The following ACSS3 variants were observed in gnomAD, a reference collection of about 807,000 sequenced individuals.
ACSS3 encodes acyl-CoA synthetase short chain family member 3, also known as acyl-CoA synthetase short-chain family member 3, mitochondrial.
In ACSS3, 64 loss-of-function variants were observed where a neutral mutation model predicts 84.2. The ratio of observed to expected loss-of-function variants is 0.76; its 90% CI spans 0.62 to 0.94. The LOEUF is 0.94. Ranked by LOEUF, ACSS3 falls within the 40% of genes least tolerant of loss-of-function variation. ACSS3 has a pLI of 0.00. For missense variants in ACSS3, 815 were observed against 867.6 expected, an observed-to-expected ratio of 0.94 and a Z score of 0.76; for synonymous variants, 317 against 310.1, an observed-to-expected ratio of 1.02 and a Z score of -0.23.
chr12:81,148,886 C>A (rs1886474066), intron 5 of ACSS3, among the ~76,000 whole-genome samples: 1 of 137,654 alleles, frequency 7.3e-6, no homozygotes, highest in Non-Finnish European at 1.6e-5. Context: ...ACGGTGAAAC[C>A]CTGCCTCTAC....
chr12:81,078,493 C>T (rs900768470), intron 1 of ACSS3, 62 bp downstream of exon 1: 4 of 1,563,272 alleles, frequency 2.6e-6, no homozygotes, highest in African/African-American at 1.4e-5. Context: ...GCGCCAGGAC[C>T]TCCCTGGGAC....
Position 81,256,178 on chromosome 12 carries a change from C to T in ACSS3, c.*1256C>T, listed in dbSNP as rs1057098324. On this transcript the variant is annotated 3_prime_UTR_variant, in exon 16 of 16. Coordinates refer to ENST00000548058, the MANE Select transcript of ACSS3 (RefSeq NM_024560.4). The stretch of plus-strand genomic sequence containing the variant: ...TGCTATACCTCAAGGAGCAGCGGAC[C>T]CAGCAGAATATGGCCCAAAAAGGAG... The T allele has an allele frequency of 1.3e-5, 2 of 151,972 alleles. No homozygotes were observed. Among genetic ancestry groups the T allele is most frequent in the African/African-American group, 4.8e-5 (2 of 41,366 alleles). The allele number at this position is 151,972 out of a possible 1,614,324, so 9.4% of individuals were successfully genotyped here. A position where few individuals can be genotyped will look rare whatever the true frequency, so the allele number is the denominator to read the frequency against.
chr12:81,132,272 T>C (rs569440025), intron 2 of ACSS3, among the ~76,000 whole-genome samples: 1 of 152,192 alleles, frequency 6.6e-6, no homozygotes, highest in Non-Finnish European at 1.5e-5. Context: ...TTTTTTTTGG[T>C]TGGTAGGCTA....
At chr12:81,097,973 A>G (rs2121389993) in intron 1 of ACSS3, among the ~76,000 whole-genome samples, 1 of 152,112 alleles carries the variant, frequency 6.6e-6, no homozygotes, top group East Asian at 1.9e-4. Context: ...GAAGTGGAAA[A>G]AAAAAAGAAC....
intron 2 of ACSS3, among the ~76,000 whole-genome samples, chr12:81,115,229 G>A (rs1160769150): frequency 2.0e-5 from 3 of 152,126 alleles, no homozygotes; most frequent in Non-Finnish European, 4.4e-5. Flanking sequence ...TGCCCACGTT[G>A]GACATGAGTA....
intron 5 of ACSS3, among the ~76,000 whole-genome samples, chr12:81,145,370 C>A (rs1886292430): frequency 6.6e-6 from 1 of 152,084 alleles, no homozygotes; most frequent in South Asian, 2.1e-4. Context: ...GTGGAGATTT[C>A]TGCATCACAG....
rs1565749473 is a variant in ACSS3 at position 81,256,758 on chromosome 12, A to T, written c.*1836A>T. 6.6e-6 allele frequency: 1 copy of T among 152,174 alleles called. No individual in the cohort carries two copies. Among genetic ancestry groups the T allele is most frequent in the Non-Finnish European group, 1.5e-5 (1 of 68,016 alleles). 9.4% of individuals were successfully genotyped at this position (152,174 alleles called of 1,614,324 possible). ...GCAAAATAAATGGCTTCTCAAAGTA[A>T]ATTCCTATTTACTTAAATTGCCTTC... On this transcript the variant is annotated 3_prime_UTR_variant, in exon 16 of 16. Coordinates refer to ENST00000548058, the MANE Select transcript of ACSS3 (RefSeq NM_024560.4).
At chr12:81,232,961 G>A (rs1404519069) in intron 12 of ACSS3, among the ~76,000 whole-genome samples, 1 of 151,354 alleles carries the variant, frequency 6.6e-6, no homozygotes, top group Non-Finnish European at 1.5e-5. Flanking sequence ...ATTATTCATT[G>A]GGAGCTTTAA....
At chr12:81,206,945 A>AT (rs2032374650) in intron 9 of ACSS3, among the ~76,000 whole-genome samples, 1 of 152,104 alleles carries the variant, frequency 6.6e-6, no homozygotes, top group African/African-American at 2.4e-5. Context: ...AAAGAACATC[A>AT]TTTTTTAAAA....
intron 9 of ACSS3, among the ~76,000 whole-genome samples, chr12:81,213,957 C>CTCTTTCTCTCTTTCTTTCTTTCTT (rs2032783220): frequency 2.0e-5 from 1 of 49,112 alleles, no homozygotes; most frequent in African/African-American, 7.2e-5. Flanking sequence ...CTCCCTCTCT[C>CTCTTTCTCTCTTTCTTTCTTTCTT]TCTTTCTTTC....
At position 81,078,333 on chromosome 12, in the gene ACSS3, C is replaced by A; in HGVS notation, c.213C>A (p.Thr71=). ...EYKTHFAASV[T]DPERFWGKAA... Reference sequence around the variant, plus strand: ...AGACCCACTTCGCAGCCTCGGTGACCGACCCCGAGAGGTTCTGGGGCAAAG... The same window carrying A: ...AGACCCACTTCGCAGCCTCGGTGACAGACCCCGAGAGGTTCTGGGGCAAAG... The change falls in exon 1 of 16, where the codon ACC becomes ACA. Residue 71 remains threonine, a synonymous_variant. Coordinates refer to ENST00000548058, the MANE Select transcript of ACSS3 (RefSeq NM_024560.4). 10 of 1,612,478 alleles carry A rather than the reference C, an allele frequency of 6.2e-6. No homozygotes were observed. The highest frequency in any genetic ancestry group is 7.6e-6 in the Non-Finnish European group (9 of 1,179,960).
At chr12:81,093,444 C>T (rs901032417) in intron 1 of ACSS3, among the ~76,000 whole-genome samples, 1 of 148,246 alleles carries the variant, frequency 6.7e-6, no homozygotes, top group Non-Finnish European at 1.5e-5. Flanking sequence ...GACAGAGCGA[C>T]ACTCTGTCCC....
intron 7 of ACSS3, among the ~76,000 whole-genome samples, chr12:81,168,247 G>A (rs1682451800): frequency 2.6e-5 from 4 of 152,174 alleles, no homozygotes; most frequent in Admixed American, 2.0e-4. Context: ...ATGACCATCT[G>A]CAGTCTTGCT....
intron 2 of ACSS3, among the ~76,000 whole-genome samples, chr12:81,121,074 G>T (rs1279648795): frequency 6.6e-6 from 1 of 152,160 alleles, no homozygotes; most frequent in Non-Finnish European, 1.5e-5. Context: ...AACTGACCCA[G>T]CTATTGCAAT....
In ACSS3 at chr12:81,174,976, A is replaced by G. The variant is rs755759638; in HGVS notation, c.1250+37A>G. ...ATGCACAGGGCAAATGACATTAGAA[A>G]GTGCAATCAAAATGAATAAGTGAAC... On this transcript the variant is annotated intron_variant, in intron 8 of 15. Transcript: ENST00000548058. The G allele has an allele frequency of 8.1e-6, 13 of 1,596,678 alleles. No individual in the cohort carries two copies. The East Asian group carries it at 2.5e-4, about 30-fold the overall frequency.
At chr12:81,223,507 A>G (rs768281367) in intron 11 of ACSS3, among the ~76,000 whole-genome samples, 23 of 152,006 alleles carry the variant, frequency 1.5e-4, no homozygotes, top group Non-Finnish European at 2.4e-4. Context: ...TAAATCTCAT[A>G]TACAGTTTTG....
intron 3 of ACSS3, among the ~76,000 whole-genome samples, chr12:81,138,877 T>G (rs979889776): frequency 7.9e-5 from 12 of 152,278 alleles, no homozygotes; most frequent in Admixed American, 5.2e-4. Flanking sequence ...TGAAAGGGAT[T>G]TATACATTTC....
rs539909042 is a variant in ACSS3, at chr12:81,246,658, G to A, written c.1720-6649G>A. On this transcript the variant is annotated intron_variant, in intron 13 of 15. Coordinates refer to ENST00000548058, the MANE Select transcript of ACSS3 (RefSeq NM_024560.4). ...ATATAAGTTACTTCATTTTTTTCTAGAAGCAAACCCCAGAATAGTTTTTAA... is the reference window on the plus strand; with the variant it reads ...ATATAAGTTACTTCATTTTTTTCTAAAAGCAAACCCCAGAATAGTTTTTAA... 2.0e-5 allele frequency among the ~76,000 whole-genome samples: 3 copies of A among 152,178 alleles called. No individual in the cohort carries two copies. In the East Asian group the frequency reaches 5.8e-4, roughly 29 times the overall value.
intron 13 of ACSS3, among the ~76,000 whole-genome samples, chr12:81,241,085 G>A: frequency 6.7e-6 from 1 of 148,752 alleles, no homozygotes; most frequent in Non-Finnish European, 1.5e-5. Context: ...AATATGTGGT[G>A]TTTGGTTTTT....
Sources: gnomAD v4.1 joint callset for allele counts (sites outside exome capture counted in the v4.1 genomes callset) on GRCh38, gnomAD v4.1.1 for gene constraint, MANE v1.5 for transcripts, NCBI Gene and HGNC (gene_info 2026-07-23, HGNC 2026-07-21) for gene names.